The following SNTB1 variants were observed in gnomAD, a reference collection of about 807,000 sequenced individuals.
SNTB1 encodes beta-1-syntrophin.
In SNTB1, 36 loss-of-function variants were observed where a neutral mutation model predicts 48.9. The observed-to-expected ratio is 0.74, with a 90% CI of 0.56 to 0.97. The LOEUF is 0.97. SNTB1 is among the 50% of genes least tolerant of loss of function. SNTB1 has a pLI of 0.00. For synonymous variants in SNTB1, 299 were observed against 294.6 expected, an observed-to-expected ratio of 1.01 and a Z score of -0.15; for missense variants, 786 against 703.4, an observed-to-expected ratio of 1.12 and a Z score of -1.33.
intron 1 of SNTB1, among the ~76,000 whole-genome samples, chr8:120,726,349 T>C (rs796481928): frequency 6.6e-5 from 10 of 152,250 alleles, no homozygotes; most frequent in African/African-American, 2.4e-4. Context: ...TTTTTTGGGA[T>C]AAGGATTAAA....
chr8:120,811,246 G>A lies in SNTB1; in HGVS notation c.571+27C>T, dbSNP rs531278542. 19 of 1,552,626 alleles carry A rather than the reference G, an allele frequency of 1.2e-5. No homozygotes were observed. The Admixed American group carries it at 2.6e-4, about 21-fold the overall frequency. On this transcript the variant is annotated intron_variant, in intron 1 of 6. Transcript: ENST00000517992. ...CCGAGCAGGTGTGTGCGCGCCCGGC[G>A]CGGCCCGCGCGCTGTTAACCCCTTA...
intron 1 of SNTB1, among the ~76,000 whole-genome samples, chr8:120,805,897 C>T (rs1177896954): frequency 6.6e-6 from 1 of 152,200 alleles, no homozygotes; most frequent in Non-Finnish European, 1.5e-5. Flanking sequence ...TAAGACTCAG[C>T]ACTTATTCAC....
Position 120,737,336 on chromosome 8 carries a change from G to A in SNTB1, c.572-43428C>T, listed in dbSNP as rs541177556. On this transcript the variant is annotated intron_variant, in intron 1 of 6. Transcript: ENST00000517992. ...ATACAGCATGAAAAAACACTTTGTC[G>A]ACTATGAAGCACCAAAGAAATGAAA... is the stretch of plus-strand genomic sequence containing the variant. Among the ~76,000 whole-genome samples, 15 of 152,190 alleles carry A rather than the reference G, an allele frequency of 9.9e-5. No homozygotes were observed. The South Asian group carries it at 2.9e-3, about 29-fold the overall frequency.
In SNTB1 at chr8:120,747,535, C is replaced by T. The variant is rs539820504; in HGVS notation, c.572-53627G>A. On this transcript the variant is annotated intron_variant, in intron 1 of 6. Transcript: ENST00000517992. The stretch of plus-strand genomic sequence containing the variant: ...CAAACTCCTGACCTCTATTGATCCG[C>T]CTGCCTCAGCCTCCGAAAGTGCGAG... 2.6e-5 allele frequency among the ~76,000 whole-genome samples: 4 copies of T among 152,270 alleles called. No homozygotes were observed. The South Asian group carries it at 6.2e-4, about 24-fold the overall frequency.
intron 3 of SNTB1, among the ~76,000 whole-genome samples, chr8:120,585,496 T>A (rs1235537749): frequency 6.6e-6 from 1 of 152,248 alleles, no homozygotes; most frequent in African/African-American, 2.4e-5. Flanking sequence ...AAGCCTCACA[T>A]CTGCTTAAAG....
At chr8:120,755,935 A>T (rs1819311548) in intron 1 of SNTB1, among the ~76,000 whole-genome samples, 1 of 152,204 alleles carries the variant, frequency 6.6e-6, no homozygotes, top group Non-Finnish European at 1.5e-5. Context: ...CACATTGTTG[A>T]GCTGAATTCC....
At position 120,637,370 on chromosome 8, in the gene SNTB1, T is replaced by G. The variant is rs1254577950; in HGVS notation, c.789-4719A>C. On this transcript the variant is annotated intron_variant, in intron 2 of 6. Transcript: ENST00000517992. ...ATCAGAAAGGAGTTTCAGAACATTC[T>G]TCGCTGTAAGGGCCTTTTCAACTTT... The G allele has an allele frequency of 3.0e-5, 7 of 231,804 alleles. No individual in the cohort carries two copies. In the East Asian group the frequency reaches 8.7e-4, roughly 29 times the overall value. The allele number at this position is 231,804 out of a possible 1,614,324, so 14.4% of individuals were successfully genotyped here. A position where few individuals can be genotyped will look rare whatever the true frequency, so the allele number is the denominator to read the frequency against.
chr8:120,771,532 G>A (rs764840448), intron 1 of SNTB1, among the ~76,000 whole-genome samples: 6 of 152,176 alleles, frequency 3.9e-5, no homozygotes, highest in Non-Finnish European at 2.9e-5. Context: ...AGTGTAGTAC[G>A]TTTACAGCTT....
chr8:120,542,009 GAA>G lies in SNTB1; in HGVS notation c.1334-11_1334-10del, dbSNP rs778364121. On this transcript the variant is annotated splice_polypyrimidine_tract_variant and intron_variant, in intron 5 of 6. Coordinates refer to ENST00000517992, the MANE Select transcript of SNTB1 (RefSeq NM_021021.4). ...GTTTTTGTAGGTGCAAGCTGAGAGA[GAA>G]AGAGAGAGAAAAAGAGACAAGTATG... 3.1e-5 allele frequency: 50 copies of G among 1,609,394 alleles called. No homozygotes were observed. In the African/African-American group the frequency reaches 5.2e-4, roughly 17 times the overall value.
At chr8:120,720,713 C>A (rs1818645076) in intron 1 of SNTB1, among the ~76,000 whole-genome samples, 1 of 152,186 alleles carries the variant, frequency 6.6e-6, no homozygotes, top group Non-Finnish European at 1.5e-5. Context: ...AGGTGACTTG[C>A]AGAAGTCATT....
At chr8:120,635,648 C>T in intron 2 of SNTB1, 1 of 176,848 alleles carries the variant, frequency 5.7e-6, no homozygotes, top group Non-Finnish European at 1.4e-5. Flanking sequence ...GTTTCATCTT[C>T]ATTTCTGATT....
At chr8:120,666,385 T>A (rs888237858) in intron 2 of SNTB1, among the ~76,000 whole-genome samples, 3 of 152,232 alleles carry the variant, frequency 2.0e-5, no homozygotes, top group Non-Finnish European at 4.4e-5. Flanking sequence ...ATTTCAGTAC[T>A]TGGAAAATGT....
At chr8:120,789,182 T>G (rs140905466) in intron 1 of SNTB1, among the ~76,000 whole-genome samples, 1 of 152,104 alleles carries the variant, frequency 6.6e-6, no homozygotes, top group African/African-American at 2.4e-5. Flanking sequence ...ATTTAAGAAT[T>G]TTCTGAAATG....
chr8:120,804,472 T>G (rs1232272820), intron 1 of SNTB1, among the ~76,000 whole-genome samples: 1 of 152,140 alleles, frequency 6.6e-6, no homozygotes, highest in East Asian at 1.9e-4. Flanking sequence ...AACTTCCTTT[T>G]GTCCACCCAC....
In SNTB1 at chr8:120,601,524, A is replaced by G. The variant is rs554041532; in HGVS notation, c.997-26299T>C. ...CTTCGTGCTAAAAAAATTCAAAGACACAGTTTTAAAGTCCTTTACAAAACA... is the reference window on the plus strand; with the variant it reads ...CTTCGTGCTAAAAAAATTCAAAGACGCAGTTTTAAAGTCCTTTACAAAACA... On this transcript the variant is annotated intron_variant, in intron 3 of 6. Coordinates refer to ENST00000517992, the MANE Select transcript of SNTB1 (RefSeq NM_021021.4). 2.8e-4 allele frequency among the ~76,000 whole-genome samples: 43 copies of G among 152,294 alleles called. 1 individual carries two copies. The highest frequency in any genetic ancestry group is 9.9e-4 in the African/African-American group (41 of 41,558).
In SNTB1 at chr8:120,637,214, A is replaced by G. The variant is rs73708919; in HGVS notation, c.789-4563T>C. ...AATGTCAAAGTCGAACATCCTCTTCAGTCACAGGATTCTACCATAACAAAA... is the reference window on the plus strand; with the variant it reads ...AATGTCAAAGTCGAACATCCTCTTCGGTCACAGGATTCTACCATAACAAAA... On this transcript the variant is annotated intron_variant, in intron 2 of 6. Coordinates refer to ENST00000517992, the MANE Select transcript of SNTB1 (RefSeq NM_021021.4). 3.4e-3 allele frequency: 1,158 copies of G among 341,622 alleles called. 8 individuals carry two copies. The highest frequency in any genetic ancestry group is 0.021 in the African/African-American group (926 of 44,866). 21.2% of individuals were successfully genotyped at this position (341,622 alleles called of 1,614,324 possible).
rs952242543 is a variant in SNTB1 at position 120,802,968 on chromosome 8, C to A, written c.571+8305G>T. ...CAGACGGAGTAAATCTAACACCCAT[C>A]CTCTAAACCACTGCACTAACCTGCT... is the stretch of plus-strand genomic sequence containing the variant. On this transcript the variant is annotated intron_variant, in intron 1 of 6. Transcript: ENST00000517992. Among the ~76,000 whole-genome samples, 3 of 151,884 alleles carry A rather than the reference C, an allele frequency of 2.0e-5. No individual in the cohort carries two copies. In the South Asian group the frequency reaches 6.2e-4, roughly 31 times the overall value.
At chr8:120,737,082 T>C (rs1344561260) in intron 1 of SNTB1, among the ~76,000 whole-genome samples, 1 of 152,232 alleles carries the variant, frequency 6.6e-6, no homozygotes, top group African/African-American at 2.4e-5. Flanking sequence ...CTTCAACTTG[T>C]TGTGTGACCT....
chr8:120,644,521 C>G (rs1292414114), intron 2 of SNTB1, among the ~76,000 whole-genome samples: 2 of 152,118 alleles, frequency 1.3e-5, no homozygotes, highest in Admixed American at 1.3e-4. Flanking sequence ...CATGGTATTC[C>G]ATGGTGTATA....
Sources: gnomAD v4.1 joint callset for allele counts (sites outside exome capture counted in the v4.1 genomes callset) on GRCh38, gnomAD v4.1.1 for gene constraint, MANE v1.5 for transcripts, NCBI Gene and HGNC (gene_info 2026-07-23, HGNC 2026-07-21) for gene names.